Variants in SUPT3H observed in about 807,000 individuals in gnomAD.
SUPT3H encodes the protein transcription initiation protein SPT3 homolog.
A neutral mutation model predicts 44.3 loss-of-function variants in SUPT3H; 44 were observed. The observed-to-expected ratio is 0.99, with a 90% CI of 0.78 to 1.28. The LOEUF is 1.28. SUPT3H is among the 50% of genes most tolerant of loss of function. SUPT3H has a pLI of 0.00. For synonymous variants in SUPT3H, 124 were observed against 125.6 expected (o/e 0.99, Z 0.09); for missense variants, 380 against 387.1 (o/e 0.98, Z 0.15).
intron 11 of SUPT3H, among the ~76,000 whole-genome samples, chr6:44,810,035 A>G (rs757496085): frequency 3.9e-5 from 6 of 152,224 alleles, no homozygotes; most frequent in Non-Finnish European, 5.9e-5. Flanking sequence ...TTTTTCCAGA[A>G]GCCAAGACTG....
At chr6:44,970,018 T>C (rs557339635) in intron 6 of SUPT3H, among the ~76,000 whole-genome samples, 1 of 152,234 alleles carries the variant, frequency 6.6e-6, no homozygotes, top group East Asian at 1.9e-4. Context: ...CAAAAAGATA[T>C]TTGTGCTACT....
At chr6:45,243,880 T>G (rs1770853259) in intron 2 of SUPT3H, among the ~76,000 whole-genome samples, 1 of 152,266 alleles carries the variant, frequency 6.6e-6, no homozygotes, top group Admixed American at 6.5e-5. Flanking sequence ...AATTTACTAT[T>G]TGTTCATTTA....
At chr6:45,172,068 TTA>T (rs1300673786) in intron 2 of SUPT3H, among the ~76,000 whole-genome samples, 2 of 150,082 alleles carry the variant, frequency 1.3e-5, no homozygotes, top group African/African-American at 4.9e-5. Flanking sequence ...GGTCATTTAT[TTA>T]TCTTTTTTTT....
chr6:45,163,786 CTT>C (rs1180822231), intron 2 of SUPT3H, among the ~76,000 whole-genome samples: 1 of 137,060 alleles, frequency 7.3e-6, no homozygotes, highest in East Asian at 2.0e-4. Flanking sequence ...TGCACCACCA[CTT>C]GTCACTTTTA....
At chr6:45,124,749 G>A (rs948246620) in intron 2 of SUPT3H, among the ~76,000 whole-genome samples, 11 of 152,020 alleles carry the variant, frequency 7.2e-5, no homozygotes, top group African/African-American at 2.7e-4. Flanking sequence ...GTTATAGGTT[G>A]AATTGTGTCC....
intron 2 of SUPT3H, chr6:45,322,924 T>G (rs774455633): frequency 6.2e-7 from 1 of 1,612,862 alleles, no homozygotes; most frequent in Non-Finnish European, 8.5e-7. Flanking sequence ...CATGAGTCCA[T>G]GGAGAAAAGC....
intron 2 of SUPT3H, among the ~76,000 whole-genome samples, chr6:45,363,159 A>C (rs1794556742): frequency 6.6e-6 from 1 of 152,152 alleles, no homozygotes. Context: ...GCAAATACTC[A>C]ACTCTGGCAC....
intron 2 of SUPT3H, among the ~76,000 whole-genome samples, chr6:45,160,224 T>C (rs948409810): frequency 1.3e-5 from 2 of 152,194 alleles, no homozygotes; most frequent in Non-Finnish European, 2.9e-5. Flanking sequence ...ATGTTGTTTA[T>C]TTTGAAAAAT....
chr6:44,853,241 G>C (rs548891709), intron 10 of SUPT3H, among the ~76,000 whole-genome samples: 82 of 152,190 alleles, frequency 5.4e-4, no homozygotes, highest in Non-Finnish European at 1.3e-4. Context: ...TTGCTAAGTG[G>C]AGAGTCATGA....
chr6:45,018,353 A>G (rs912137462), intron 4 of SUPT3H, among the ~76,000 whole-genome samples: 21 of 150,942 alleles, frequency 1.4e-4, no homozygotes, highest in African/African-American at 2.4e-4. Flanking sequence ...TCTCCTGCCT[A>G]ATTGCCCTGG....
At chr6:45,325,339 TAAG>T (rs1446174979) in intron 2 of SUPT3H, among the ~76,000 whole-genome samples, 2 of 151,848 alleles carry the variant, frequency 1.3e-5, no homozygotes, top group Non-Finnish European at 2.9e-5. Context: ...GATCATTAGT[TAAG>T]AAAATAAAAA....
chr6:45,295,062 T>A (rs553540824), intron 2 of SUPT3H, among the ~76,000 whole-genome samples: 21 of 151,920 alleles, frequency 1.4e-4, no homozygotes, highest in Non-Finnish European at 2.8e-4. Context: ...GCAAAAAGAA[T>A]AAACCTGGAG....
chr6:45,279,812 C>G (rs930827242), intron 2 of SUPT3H, among the ~76,000 whole-genome samples: 2 of 152,152 alleles, frequency 1.3e-5, no homozygotes, highest in Non-Finnish European at 2.9e-5. Flanking sequence ...GCTGTTATAT[C>G]CGGTCCAGAA....
At chr6:44,942,039 C>T (rs1772526962) in intron 9 of SUPT3H, among the ~76,000 whole-genome samples, 1 of 152,056 alleles carries the variant, frequency 6.6e-6, no homozygotes, top group African/African-American at 2.4e-5. Flanking sequence ...TGTAAAATAA[C>T]TCCAATTTAA....
intron 10 of SUPT3H, among the ~76,000 whole-genome samples, chr6:44,887,088 C>T (rs975451134): frequency 2.0e-5 from 3 of 152,112 alleles, no homozygotes; most frequent in East Asian, 1.9e-4. Flanking sequence ...TATATATGCA[C>T]CCAAGACAGG....
intron 2 of SUPT3H, among the ~76,000 whole-genome samples, chr6:45,211,850 C>A (rs1284966): frequency 2.0e-5 from 3 of 146,692 alleles, no homozygotes; most frequent in Non-Finnish European, 3.0e-5. Context: ...TCCGTCTCAA[C>A]TAAAAAAAAA....
At chr6:44,919,730 C>T (rs1368874129) in intron 10 of SUPT3H, among the ~76,000 whole-genome samples, 1 of 152,158 alleles carries the variant, frequency 6.6e-6, no homozygotes. Flanking sequence ...ATCTTGAATA[C>T]ATTTTGTCTT....
At chr6:44,842,650 T>A (rs772727752) in intron 10 of SUPT3H, among the ~76,000 whole-genome samples, 1 of 152,090 alleles carries the variant, frequency 6.6e-6, no homozygotes, top group Non-Finnish European at 1.5e-5. Flanking sequence ...TACATAAAGA[T>A]AAGAAAGATT....
intron 2 of SUPT3H, among the ~76,000 whole-genome samples, chr6:45,135,409 T>A (rs1804116322): frequency 6.6e-6 from 1 of 152,174 alleles, no homozygotes; most frequent in African/African-American, 2.4e-5. Flanking sequence ...TTAGGTTCTA[T>A]TTCTCTTTCA....
Sources: gnomAD v4.1 joint callset for allele counts (sites outside exome capture counted in the v4.1 genomes callset) on GRCh38, gnomAD v4.1.1 for gene constraint, MANE v1.5 for transcripts, NCBI Gene and HGNC (gene_info 2026-07-23, HGNC 2026-07-21) for gene names.